Variants in CNTN1 observed in about 807,000 individuals in gnomAD.
The protein encoded by CNTN1 is contactin 1, also known as contactin-1.
A neutral mutation model predicts 126.4 loss-of-function variants in CNTN1; 38 were observed. The observed-to-expected ratio is 0.30, with a 90% CI of 0.23 to 0.39. The LOEUF (loss-of-function observed/expected upper bound fraction) is 0.39, where lower values mean the gene tolerates loss of function less well. Among genes scored for constraint, CNTN1 ranks in the 10% least tolerant of loss-of-function variants. The pLI is 1.00. For synonymous variants in CNTN1, 413 were observed against 422.6 expected (o/e 0.98, Z 0.28); for missense variants, 1,009 against 1,248.4 (o/e 0.81, Z 2.89).
At chr12:40,809,085 C>T (rs987697024) in intron 1 of CNTN1, among the ~76,000 whole-genome samples, 13 of 152,096 alleles carry the variant, frequency 8.5e-5, no homozygotes, top group African/African-American at 2.9e-4. Flanking sequence ...TACTTTAAAT[C>T]AATTATTTCT....
At chr12:41,031,782 G>A (rs1191217822) in intron 23 of CNTN1, among the ~76,000 whole-genome samples, 1 of 151,980 alleles carries the variant, frequency 6.6e-6, no homozygotes, top group Non-Finnish European at 1.5e-5. Flanking sequence ...ATAAACTGTA[G>A]AATTAACGTT....
At chr12:40,870,764 C>T (rs1943458224) in intron 1 of CNTN1, among the ~76,000 whole-genome samples, 1 of 151,942 alleles carries the variant, frequency 6.6e-6, no homozygotes, top group African/African-American at 2.4e-5. Context: ...ACACACATAC[C>T]AACCCAAACA....
chr12:40,819,387 A>T (rs949039430), intron 1 of CNTN1, among the ~76,000 whole-genome samples: 7 of 151,978 alleles, frequency 4.6e-5, no homozygotes, highest in African/African-American at 1.7e-4. Flanking sequence ...GGCTGGACTT[A>T]TTGGAAATCC....
At chr12:40,758,779 C>T (rs1938712639) in intron 1 of CNTN1, among the ~76,000 whole-genome samples, 1 of 152,050 alleles carries the variant, frequency 6.6e-6, no homozygotes, top group African/African-American at 2.4e-5. Context: ...AAAAACAAAT[C>T]TGAAGGAAAG....
At chr12:40,703,035 G>T (rs1941642082) in intron 1 of CNTN1, among the ~76,000 whole-genome samples, 1 of 151,532 alleles carries the variant, frequency 6.6e-6, no homozygotes, top group Non-Finnish European at 1.5e-5. Flanking sequence ...ATTTTTTACA[G>T]ATTATTGATA....
At chr12:40,857,717 G>A (rs58464867) in intron 1 of CNTN1, among the ~76,000 whole-genome samples, 3,174 of 152,086 alleles carry the variant, frequency 0.021, 109 homozygotes, top group African/African-American at 0.072. Context: ...AGAAAATCTC[G>A]GAAAAGTCAG....
At chr12:40,836,955 C>T (rs1942082368) in intron 1 of CNTN1, among the ~76,000 whole-genome samples, 1 of 152,164 alleles carries the variant, frequency 6.6e-6, no homozygotes, top group Non-Finnish European at 1.5e-5. Flanking sequence ...TCTTCCATAT[C>T]ACCATAATTT....
chr12:40,693,325 T>A (rs929114780), intron 1 of CNTN1, among the ~76,000 whole-genome samples: 3 of 152,160 alleles, frequency 2.0e-5, no homozygotes, highest in Non-Finnish European at 4.4e-5. Context: ...ACCTAGTTTC[T>A]GAAAGGTGGA....
At chr12:40,797,440 C>G (rs555687330) in intron 1 of CNTN1, among the ~76,000 whole-genome samples, 1 of 151,882 alleles carries the variant, frequency 6.6e-6, no homozygotes, top group Non-Finnish European at 1.5e-5. Context: ...TATGCAGAGA[C>G]AGAGAGTATG....
chr12:40,703,860 A>G (rs894967486), intron 1 of CNTN1, among the ~76,000 whole-genome samples: 1 of 152,254 alleles, frequency 6.6e-6, no homozygotes, highest in African/African-American at 2.4e-5. Context: ...TTGGGGCTAG[A>G]GATACAGTAA....
intron 17 of CNTN1, among the ~76,000 whole-genome samples, chr12:41,002,904 T>C (rs1052224102): frequency 6.6e-6 from 1 of 152,184 alleles, no homozygotes; most frequent in African/African-American, 2.4e-5. Flanking sequence ...CTGATATGGC[T>C]TGACATCCTC....
intron 16 of CNTN1, among the ~76,000 whole-genome samples, chr12:40,981,379 C>A (rs188393918): frequency 5.1e-4 from 77 of 152,156 alleles, no homozygotes; most frequent in Non-Finnish European, 7.5e-4. Flanking sequence ...ATCGGGAAGT[C>A]TATTTTTGAG....
intron 1 of CNTN1, among the ~76,000 whole-genome samples, chr12:40,866,262 AAT>A (rs560282853): frequency 7.2e-5 from 11 of 152,184 alleles, no homozygotes; most frequent in African/African-American, 2.6e-4. Flanking sequence ...TGCCAATAAA[AAT>A]AGTTTTATTC....
chr12:41,018,461 A>G (rs1255312401), intron 19 of CNTN1, among the ~76,000 whole-genome samples: 8 of 152,100 alleles, frequency 5.3e-5, no homozygotes. Flanking sequence ...TATATAATTA[A>G]ATCATCCTAT....
chr12:40,940,167 G>A (rs1946217996), intron 12 of CNTN1, among the ~76,000 whole-genome samples: 2 of 151,994 alleles, frequency 1.3e-5, no homozygotes, highest in South Asian at 4.2e-4. Flanking sequence ...GGGATGTGTG[G>A]GTTGGCTTGA....
chr12:40,803,601 A>G (rs182816594), intron 1 of CNTN1, among the ~76,000 whole-genome samples: 1 of 152,060 alleles, frequency 6.6e-6, no homozygotes, highest in East Asian at 1.9e-4. Context: ...TTTTCACAAT[A>G]TGCATTTTTG....
chr12:40,785,596 G>T (rs1939986554), intron 1 of CNTN1, among the ~76,000 whole-genome samples: 1 of 152,110 alleles, frequency 6.6e-6, no homozygotes, highest in Non-Finnish European at 1.5e-5. Flanking sequence ...GCAGTGGGTG[G>T]ATCTCACAAA....
At chr12:40,867,601 C>T (rs1313583706) in intron 1 of CNTN1, among the ~76,000 whole-genome samples, 1 of 152,000 alleles carries the variant, frequency 6.6e-6, no homozygotes, top group African/African-American at 2.4e-5. Flanking sequence ...TTGTATATGG[C>T]AAGTATATAT....
rs532945005 is a variant in CNTN1, at chr12:41,071,334, T to A, written c.*1299T>A. The A allele has an allele frequency of 6.6e-6, 1 of 152,250 alleles. No individual in the cohort carries two copies. Among genetic ancestry groups the A allele is most frequent in the East Asian group, 1.9e-4 (1 of 5,170 alleles). 9.4% of individuals were successfully genotyped at this position (152,250 alleles called of 1,614,324 possible). ...ATTCTCCATGGTGTGCATGGAAATG[T>A]GTTTGAGTGTGGATGTAAAAGAAAT... On this transcript the variant is annotated 3_prime_UTR_variant, in exon 24 of 24. Coordinates refer to ENST00000551295, the MANE Select transcript of CNTN1 (RefSeq NM_001843.4).
Sources: gnomAD v4.1 joint callset for allele counts (sites outside exome capture counted in the v4.1 genomes callset) on GRCh38, gnomAD v4.1.1 for gene constraint, MANE v1.5 for transcripts, NCBI Gene and HGNC (gene_info 2026-07-23, HGNC 2026-07-21) for gene names.